JAM2: variants seen among roughly 807,000 people sequenced by gnomAD.
The protein encoded by JAM2 is junctional adhesion molecule 2.
A neutral mutation model predicts 42.0 loss-of-function variants in JAM2; 17 were observed. That is an observed-to-expected ratio of 0.40 (90% CI 0.28 to 0.61). The LOEUF (loss-of-function observed/expected upper bound fraction) is 0.61, where lower values mean the gene tolerates loss of function less well. Among genes scored for constraint, JAM2 ranks in the 20% least tolerant of loss-of-function variants. JAM2 has a pLI of 0.37. For synonymous variants in JAM2, 118 were observed against 128.6 expected (o/e 0.92, Z 0.56); for missense variants, 319 against 358.3 (o/e 0.89, Z 0.89).
At chr21:25,697,416 A>T (rs1022190240) in intron 4 of JAM2, among the ~76,000 whole-genome samples, 2 of 152,206 alleles carry the variant, frequency 1.3e-5, no homozygotes, top group Non-Finnish European at 2.9e-5. Flanking sequence ...GAAATACTGC[A>T]ATCTTGGGAG....
At chr21:25,706,680 G>A (rs1026888646) in intron 7 of JAM2, among the ~76,000 whole-genome samples, 17 of 152,206 alleles carry the variant, frequency 1.1e-4, no homozygotes, top group African/African-American at 2.9e-4. Flanking sequence ...GCAGTGCAGC[G>A]AGACAGAGAT....
At chr21:25,702,054 C>T in intron 5 of JAM2, 116 bp from the exon 6 acceptor site, 1 of 501,180 alleles carries the variant, frequency 2.0e-6, no homozygotes, top group African/African-American at 1.9e-5. Context: ...CAGAAAGTCC[C>T]AAATTTTTAA....
chr21:25,683,824 G>T, intron 1 of JAM2, 59 bp from the exon 2 acceptor site: 1 of 1,254,932 alleles, frequency 8.0e-7, no homozygotes, highest in South Asian at 1.3e-5. Flanking sequence ...ATCCCATTCA[G>T]ACATTTGAAA....
At chr21:25,685,151 G>C (rs1233323031) in intron 2 of JAM2, among the ~76,000 whole-genome samples, 1 of 152,118 alleles carries the variant, frequency 6.6e-6, no homozygotes, top group African/African-American at 2.4e-5. Flanking sequence ...TAAAGGCCTG[G>C]AGTGGGGGGA....
intron 2 of JAM2, among the ~76,000 whole-genome samples, chr21:25,687,037 TTATATC>T (rs1419371281): frequency 6.6e-6 from 1 of 152,212 alleles, no homozygotes; most frequent in Admixed American, 6.5e-5. Context: ...AAAATATAAT[TTATATC>T]TATATTTTTT....
intron 1 of JAM2, among the ~76,000 whole-genome samples, chr21:25,654,454 C>T (rs1370265220): frequency 6.6e-6 from 1 of 151,958 alleles, no homozygotes; most frequent in East Asian, 1.9e-4. Flanking sequence ...TTGAGACCAG[C>T]CTGGCCAACA....
rs561770228 is a variant in JAM2 at position 25,662,445 on chromosome 21, G to A, written c.68-21438G>A. ...GATTACAGGCGTGAGCACTGTGACCGGCCTTATTTTTATATTTTATTTTTT... is the reference window on the plus strand; with the variant it reads ...GATTACAGGCGTGAGCACTGTGACCAGCCTTATTTTTATATTTTATTTTTT... On this transcript the variant is annotated intron_variant, in intron 1 of 9. Transcript: ENST00000480456. Among the ~76,000 whole-genome samples, 268 of 151,756 alleles carry A rather than the reference G, an allele frequency of 1.8e-3. 2 individuals are homozygous for A. The highest frequency in any genetic ancestry group is 6.1e-3 in the African/African-American group (252 of 41,364).
chr21:25,654,095 T>C (rs1251933800), intron 1 of JAM2, among the ~76,000 whole-genome samples: 1 of 152,228 alleles, frequency 6.6e-6, no homozygotes, highest in Non-Finnish European at 1.5e-5. Context: ...TATTCTGCTT[T>C]CTTTTAGGCA....
At chr21:25,707,916 C>T (rs2034304927) in intron 7 of JAM2, among the ~76,000 whole-genome samples, 2 of 152,130 alleles carry the variant, frequency 1.3e-5, no homozygotes, top group South Asian at 4.1e-4. Context: ...GTGATCAAGG[C>T]TCACTGCAGC....
At chr21:25,658,006 A>T (rs747037435) in intron 1 of JAM2, among the ~76,000 whole-genome samples, 21 of 152,188 alleles carry the variant, frequency 1.4e-4, no homozygotes, top group Non-Finnish European at 2.8e-4. Flanking sequence ...AAGTTGTTGA[A>T]GGTTTTGAAG....
At chr21:25,703,267 A>G (rs188780838) in intron 6 of JAM2, among the ~76,000 whole-genome samples, 2 of 152,330 alleles carry the variant, frequency 1.3e-5, no homozygotes, top group East Asian at 3.9e-4. Flanking sequence ...CTCTTAAGGA[A>G]TCATATCCAG....
chr21:25,647,492 G>A (rs2032648013), intron 1 of JAM2, among the ~76,000 whole-genome samples: 2 of 152,160 alleles, frequency 1.3e-5, no homozygotes, highest in Non-Finnish European at 2.9e-5. Context: ...AGTTATTTAT[G>A]TTAGTAATTA....
At chr21:25,676,322 A>AAT (rs2033496016) in intron 1 of JAM2, among the ~76,000 whole-genome samples, 1 of 151,146 alleles carries the variant, frequency 6.6e-6, no homozygotes, top group South Asian at 2.1e-4. Flanking sequence ...AAAAAAAAAA[A>AAT]CAACTTATGT....
chr21:25,641,226 A>G (rs2032431639), intron 1 of JAM2, among the ~76,000 whole-genome samples: 1 of 152,188 alleles, frequency 6.6e-6, no homozygotes, highest in Non-Finnish European at 1.5e-5. Flanking sequence ...TAACAGAACA[A>G]CTGAGAAAGT....
At chr21:25,660,439 A>G (rs2033048291) in intron 1 of JAM2, among the ~76,000 whole-genome samples, 1 of 152,126 alleles carries the variant, frequency 6.6e-6, no homozygotes, top group Non-Finnish European at 1.5e-5. Flanking sequence ...TACTTCCCCC[A>G]GGGGGTACTG....
intron 1 of JAM2, among the ~76,000 whole-genome samples, chr21:25,657,335 A>G (rs978169164): frequency 9.9e-5 from 15 of 152,220 alleles, no homozygotes; most frequent in African/African-American, 3.6e-4. Flanking sequence ...TTTTACCTAA[A>G]AGAGTATTAG....
At position 25,639,901 on chromosome 21, in the gene JAM2, G is replaced by T; in HGVS notation, c.67+13G>T. 6.4e-7 allele frequency: 1 copy of T among 1,574,776 alleles called. No homozygotes were observed. The highest frequency in any genetic ancestry group is 8.6e-7 in the Non-Finnish European group (1 of 1,158,024). On this transcript the variant is annotated intron_variant, in intron 1 of 9. Transcript: ENST00000480456. ...GTCGCCCTGGGCTGTAAGTTGCTCG[G>T]GTTCCTCTACCCTTCCTGCCTGGAC...
chr21:25,677,019 C>A (rs1484210150), intron 1 of JAM2, among the ~76,000 whole-genome samples: 5 of 151,878 alleles, frequency 3.3e-5, no homozygotes, highest in Non-Finnish European at 5.9e-5. Flanking sequence ...TGTTGGTAAA[C>A]CCTGAAGTAA....
intron 7 of JAM2, among the ~76,000 whole-genome samples, chr21:25,706,778 C>A (rs557066045): frequency 6.1e-4 from 93 of 152,148 alleles, no homozygotes; most frequent in African/African-American, 2.2e-3. Flanking sequence ...CTCACTGTGT[C>A]GCCCAGGCTG....
Sources: allele counts gnomAD v4.1 joint callset (sites outside exome capture counted in the v4.1 genomes callset), GRCh38; gene constraint gnomAD v4.1.1; transcripts MANE v1.5; gene names NCBI Gene and HGNC (gene_info 2026-07-23, HGNC 2026-07-21).